Variants in DACH1 observed in about 807,000 individuals in gnomAD.
DACH1 encodes the protein dachshund homolog 1.
Under a neutral mutation model 54.2 loss-of-function variants are expected in DACH1, and 12 were observed. That is an observed-to-expected ratio of 0.22 (90% CI 0.14 to 0.36). DACH1 has a LOEUF of 0.36. DACH1 is among the 10% of genes least tolerant of loss of function. The probability of loss-of-function intolerance (pLI) is 1.00; values close to 1 mark genes in which losing one functional copy is unlikely to be tolerated. For missense variants in DACH1, 805 were observed against 929.8 expected (o/e 0.87, Z 1.75); for synonymous variants, 386 against 366.2 (o/e 1.05, Z -0.62).
intron 2 of DACH1, among the ~76,000 whole-genome samples, chr13:71,643,288 G>A (rs907487596): frequency 1.3e-5 from 2 of 152,114 alleles, no homozygotes; most frequent in African/African-American, 4.8e-5. Context: ...TGACATGTAT[G>A]ACAGTCCTAC....
intron 2 of DACH1, among the ~76,000 whole-genome samples, chr13:71,639,014 G>A (rs1372655283): frequency 2.0e-5 from 3 of 152,126 alleles, no homozygotes; most frequent in African/African-American, 7.2e-5. Context: ...CTCTGTTGAA[G>A]GTGCATTGTA....
chr13:71,517,747 T>C (rs1881270585), intron 6 of DACH1, among the ~76,000 whole-genome samples: 1 of 151,904 alleles, frequency 6.6e-6, no homozygotes, highest in Non-Finnish European at 1.5e-5. Context: ...GAAGCATTGC[T>C]TCTTATTCCT....
intron 1 of DACH1, among the ~76,000 whole-genome samples, chr13:71,702,097 A>G (rs1594113865): frequency 6.6e-6 from 1 of 152,156 alleles, no homozygotes; most frequent in Non-Finnish European, 1.5e-5. Flanking sequence ...TTTCCATTTT[A>G]TTCTAACTTT....
At chr13:71,507,311 G>A (rs1477997344) in intron 6 of DACH1, among the ~76,000 whole-genome samples, 2 of 152,010 alleles carry the variant, frequency 1.3e-5, no homozygotes, top group African/African-American at 2.4e-5. Context: ...CCCCAACTTT[G>A]TTTTTTAGCA....
intron 2 of DACH1, among the ~76,000 whole-genome samples, chr13:71,654,431 A>T (rs1878920390): frequency 7.2e-6 from 1 of 139,388 alleles, no homozygotes; most frequent in Admixed American, 7.5e-5. Flanking sequence ...AAATAAAATA[A>T]AATAAAATAA....
At chr13:71,512,463 T>C (rs546368251) in intron 6 of DACH1, among the ~76,000 whole-genome samples, 1 of 151,868 alleles carries the variant, frequency 6.6e-6, no homozygotes, top group East Asian at 2.0e-4. Context: ...GAAAGCAAAA[T>C]ACTAAAACAG....
intron 6 of DACH1, among the ~76,000 whole-genome samples, chr13:71,554,125 T>C (rs1034466069): frequency 2.0e-5 from 3 of 152,010 alleles, no homozygotes; most frequent in Non-Finnish European, 4.4e-5. Flanking sequence ...ATGAGGCCCA[T>C]GAAAATTTTG....
intron 1 of DACH1, among the ~76,000 whole-genome samples, chr13:71,766,410 T>G (rs895576723): frequency 2.0e-5 from 3 of 152,270 alleles, no homozygotes; most frequent in East Asian, 3.9e-4. Flanking sequence ...GCAACCCAGT[T>G]TTTTCTAAGG....
intron 1 of DACH1, among the ~76,000 whole-genome samples, chr13:71,719,463 A>C (rs1883131755): frequency 6.6e-6 from 1 of 152,178 alleles, no homozygotes; most frequent in Non-Finnish European, 1.5e-5. Flanking sequence ...TTCACATTAC[A>C]ATTTCATGCA....
chr13:71,608,159 T>A (rs908261897), intron 3 of DACH1, among the ~76,000 whole-genome samples: 4 of 152,070 alleles, frequency 2.6e-5, no homozygotes, highest in Non-Finnish European at 5.9e-5. Context: ...TTGCAAAACA[T>A]TTTTATATAC....
At chr13:71,461,534 A>G (rs1222220431) in intron 10 of DACH1, among the ~76,000 whole-genome samples, 1 of 152,040 alleles carries the variant, frequency 6.6e-6, no homozygotes, top group Non-Finnish European at 1.5e-5. Context: ...ATAAATATGT[A>G]TTTGGAGTTC....
chr13:71,745,171 GTC>G (rs1884552813), intron 1 of DACH1, among the ~76,000 whole-genome samples: 1 of 151,968 alleles, frequency 6.6e-6, no homozygotes, highest in African/African-American at 2.4e-5. Flanking sequence ...AAGTCTCTCT[GTC>G]TACTATTTCT....
intron 2 of DACH1, among the ~76,000 whole-genome samples, chr13:71,677,390 AC>A (rs1355356734): frequency 1.3e-5 from 2 of 152,158 alleles, no homozygotes; most frequent in African/African-American, 2.4e-5. Flanking sequence ...GACAACCATA[AC>A]TTTTAGAAAT....
At chr13:71,662,214 C>T (rs925254144) in intron 2 of DACH1, among the ~76,000 whole-genome samples, 3 of 152,006 alleles carry the variant, frequency 2.0e-5, no homozygotes, top group Non-Finnish European at 4.4e-5. Flanking sequence ...GGCAACGGTA[C>T]ACAGAGGTTT....
rs147771769 is a variant in DACH1 at position 71,837,442 on chromosome 13, G to A, written c.848+28480C>T. 2.3e-3 allele frequency among the ~76,000 whole-genome samples: 355 copies of A among 152,090 alleles called. 1 individual carries two copies. The highest frequency in any genetic ancestry group is 4.3e-3 in the Admixed American group (65 of 15,258). On this transcript the variant is annotated intron_variant, in intron 1 of 10. Transcript: ENST00000613252. Reference sequence around the variant, plus strand: ...AACACTCTGCTGAAGTAGTGAGAGTGTAACAGACACCTGAGCTGGAAACTT... The same window carrying A: ...AACACTCTGCTGAAGTAGTGAGAGTATAACAGACACCTGAGCTGGAAACTT...
At chr13:71,501,883 A>C (rs1356077520) in intron 6 of DACH1, among the ~76,000 whole-genome samples, 2 of 152,098 alleles carry the variant, frequency 1.3e-5, no homozygotes, top group Non-Finnish European at 2.9e-5. Context: ...TTACTGTTTT[A>C]CTAGTGTTAT....
chr13:71,653,829 T>C (rs892538918), intron 2 of DACH1, among the ~76,000 whole-genome samples: 7 of 152,262 alleles, frequency 4.6e-5, no homozygotes, highest in Non-Finnish European at 5.9e-5. Context: ...CCAGAAAATA[T>C]GAAAAGAATC....
At chr13:71,544,645 T>C (rs1053150321) in intron 6 of DACH1, among the ~76,000 whole-genome samples, 1 of 152,148 alleles carries the variant, frequency 6.6e-6, no homozygotes, top group Admixed American at 6.6e-5. Context: ...CTATCACTTA[T>C]ATTAAATGAT....
intron 10 of DACH1, among the ~76,000 whole-genome samples, chr13:71,454,195 A>G (rs893917164): frequency 3.9e-5 from 6 of 152,204 alleles, no homozygotes; most frequent in African/African-American, 1.4e-4. Flanking sequence ...GTTACTTTCA[A>G]AGACAAACAT....
Sources: gnomAD v4.1 joint callset for allele counts (sites outside exome capture counted in the v4.1 genomes callset) on GRCh38, gnomAD v4.1.1 for gene constraint, MANE v1.5 for transcripts, NCBI Gene and HGNC (gene_info 2026-07-23, HGNC 2026-07-21) for gene names.